Variants in MTMR8 observed in about 807,000 individuals in gnomAD.
MTMR8 encodes the protein myotubularin related protein 8, also known as phosphatidylinositol-3,5-bisphosphate 3-phosphatase MTMR8.
A neutral mutation model predicts 39.3 loss-of-function variants in MTMR8; 65 were observed. The ratio of observed to expected loss-of-function variants is 1.65; its 90% CI spans 1.35 to 2.03. MTMR8 has a LOEUF of 2.03. MTMR8 is among the 30% of genes most tolerant of loss of function. The pLI, the probability that MTMR8 is intolerant of heterozygous loss-of-function variation, is 0.00. For missense variants in MTMR8, 777 were observed against 538.9 expected (o/e 1.44, Z -4.37); for synonymous variants, 245 against 185.2 (o/e 1.32, Z -2.62).
At chrX:64,366,019 T>C (rs773393976) in intron 1 of MTMR8, among the ~76,000 whole-genome samples, 61 of 111,961 alleles carry the variant, frequency 5.4e-4, no homozygotes, top group Non-Finnish European at 9.6e-4. Flanking sequence ...AAGAAGGCCA[T>C]TACATAATGG....
intron 12 of MTMR8, among the ~76,000 whole-genome samples, chrX:64,276,267 G>T (rs1931869709): frequency 9.0e-6 from 1 of 110,593 alleles, no homozygotes; most frequent in Non-Finnish European, 1.9e-5. Context: ...AGATGTTAGG[G>T]TGTTGATCTA....
chrX:64,299,306 G>T (rs1921750733), intron 12 of MTMR8, among the ~76,000 whole-genome samples: 1 of 75,840 alleles, frequency 1.3e-5, no homozygotes, highest in African/African-American at 5.3e-5. Flanking sequence ...GTTTAGTCTT[G>T]GGAGAGTGTA....
chrX:64,294,543 G>A (rs1921501918), intron 12 of MTMR8, among the ~76,000 whole-genome samples: 1 of 111,877 alleles, frequency 8.9e-6, no homozygotes, highest in Non-Finnish European at 1.9e-5. Flanking sequence ...TTCAATGAGA[G>A]GGGATGGTAT....
intron 12 of MTMR8, among the ~76,000 whole-genome samples, chrX:64,292,345 G>A (rs1384738068): frequency 9.0e-6 from 1 of 111,712 alleles, no homozygotes; most frequent in Non-Finnish European, 1.9e-5. Context: ...ATCAAGGAAA[G>A]TTACATTCCA....
intron 6 of MTMR8, among the ~76,000 whole-genome samples, chrX:64,348,391 T>C (rs1288871829): frequency 2.7e-5 from 3 of 111,186 alleles, no homozygotes; most frequent in Non-Finnish European, 5.7e-5. Flanking sequence ...GTAAAAAAGA[T>C]GAGGGATGTT....
intron 12 of MTMR8, among the ~76,000 whole-genome samples, chrX:64,291,452 G>A (rs1921394594): frequency 9.0e-6 from 1 of 110,635 alleles, no homozygotes; most frequent in East Asian, 2.8e-4. Flanking sequence ...AAGTTTCCTT[G>A]CCTTCCTCCC....
chrX:64,323,713 T>A (rs959189211), intron 12 of MTMR8, among the ~76,000 whole-genome samples: 17 of 111,577 alleles, frequency 1.5e-4, no homozygotes, highest in Non-Finnish European at 2.1e-4. Flanking sequence ...TCCAGTATAT[T>A]TTTTTTTACC....
intron 12 of MTMR8, among the ~76,000 whole-genome samples, chrX:64,289,451 A>C (rs1232932370): frequency 9.1e-6 from 1 of 109,794 alleles, no homozygotes; most frequent in Non-Finnish European, 1.9e-5. Flanking sequence ...GAGCCTGAAC[A>C]ACATAGCAAG....
intron 12 of MTMR8, among the ~76,000 whole-genome samples, chrX:64,278,909 A>G (rs1931944155): frequency 8.9e-6 from 1 of 111,802 alleles, no homozygotes; most frequent in Non-Finnish European, 1.9e-5. Context: ...GCTGCAGAAT[A>G]GCAAAGATTG....
intron 1 of MTMR8, among the ~76,000 whole-genome samples, chrX:64,384,966 G>C (rs1435451651): frequency 8.9e-6 from 1 of 112,356 alleles, no homozygotes; most frequent in African/African-American, 3.2e-5. Context: ...CACATAGCCA[G>C]GCTTCAAATT....
intron 12 of MTMR8, among the ~76,000 whole-genome samples, chrX:64,300,197 A>G (rs1602116509): frequency 9.3e-6 from 1 of 108,089 alleles, no homozygotes; most frequent in East Asian, 2.9e-4. Context: ...GTCTCCCATT[A>G]TTAATGTGTG....
chrX:64,380,606 T>A (rs1300271681), intron 1 of MTMR8, among the ~76,000 whole-genome samples: 1 of 112,740 alleles, frequency 8.9e-6, no homozygotes, highest in Admixed American at 9.4e-5. Context: ...TATTTTTTCA[T>A]ATTATACTTT....
intron 12 of MTMR8, among the ~76,000 whole-genome samples, chrX:64,285,278 C>A (rs1207207599): frequency 9.0e-6 from 1 of 111,605 alleles, no homozygotes; most frequent in Non-Finnish European, 1.9e-5. Flanking sequence ...GCTAACTATC[C>A]TAAATATATA....
At chrX:64,363,634 G>C (rs987516116) in intron 1 of MTMR8, among the ~76,000 whole-genome samples, 1 of 111,652 alleles carries the variant, frequency 9.0e-6, no homozygotes, top group Non-Finnish European at 1.9e-5. Flanking sequence ...TAATATGGCC[G>C]AATAGGAACA....
At chrX:64,360,278 T>C (rs902903936) in intron 1 of MTMR8, 24 of 224,222 alleles carry the variant, frequency 1.1e-4, no homozygotes, top group African/African-American at 6.4e-4. Flanking sequence ...AAACATATTG[T>C]ATAATACAGT....
chrX:64,296,542 C>T (rs1024974317), intron 12 of MTMR8, among the ~76,000 whole-genome samples: 1 of 106,735 alleles, frequency 9.4e-6, no homozygotes, highest in South Asian at 4.2e-4. Flanking sequence ...AAATGAACCA[C>T]AGATAGCCTC....
intron 12 of MTMR8, among the ~76,000 whole-genome samples, chrX:64,288,087 G>GA (rs1921259698): frequency 1.2e-5 from 1 of 80,428 alleles, no homozygotes; most frequent in African/African-American, 4.4e-5. Context: ...CAGAATGGGA[G>GA]AAAATTTTTG....
intron 12 of MTMR8, among the ~76,000 whole-genome samples, chrX:64,317,752 T>C (rs1922510950): frequency 8.9e-6 from 1 of 112,382 alleles, no homozygotes; most frequent in African/African-American, 3.2e-5. Context: ...CATTTAGATC[T>C]GCTGTTTTAG....
chrX:64,282,476 G>A, intron 12 of MTMR8, among the ~76,000 whole-genome samples: 1 of 110,521 alleles, frequency 9.0e-6, no homozygotes, highest in East Asian at 2.9e-4. Flanking sequence ...TGCACATTCT[G>A]TACATGTATC....
Sources: gnomAD v4.1 joint callset for allele counts (sites outside exome capture counted in the v4.1 genomes callset) on GRCh38, gnomAD v4.1.1 for gene constraint, MANE v1.5 for transcripts, NCBI Gene and HGNC (gene_info 2026-07-23, HGNC 2026-07-21) for gene names.